The following PUDP variants were observed in gnomAD, a reference collection of about 807,000 sequenced individuals.
PUDP encodes the protein pseudouridine 5'-phosphatase.
In PUDP, 8 loss-of-function variants were observed where a neutral mutation model predicts 9.4. That is an observed-to-expected ratio of 0.85 (90% CI 0.50 to 1.53). The LOEUF is 1.53. Ranked by LOEUF, PUDP falls within the 40% of genes most tolerant of loss-of-function variation. PUDP has a pLI of 0.00. For synonymous variants in PUDP, 99 were observed against 80.7 expected (o/e 1.23, Z -1.22); for missense variants, 188 against 189.7 (o/e 0.99, Z 0.05).
chrX:7,058,674 T>C (rs1483832051), intron 3 of PUDP, among the ~76,000 whole-genome samples: 1 of 112,607 alleles, frequency 8.9e-6, no homozygotes, highest in African/African-American at 3.2e-5. Context: ...GTTGGATACA[T>C]ATACACTATT....
At chrX:7,055,047 C>A (rs777830554) in intron 3 of PUDP, among the ~76,000 whole-genome samples, 3 of 111,005 alleles carry the variant, frequency 2.7e-5, no homozygotes, top group Non-Finnish European at 5.7e-5. Flanking sequence ...AGAAGAAACC[C>A]CCTGGTGCTA....
chrX:6,769,224 G>A (rs28503977), intron 3 of PUDP, among the ~76,000 whole-genome samples: 1,500 of 112,121 alleles, frequency 0.013, 24 homozygotes, highest in African/African-American at 0.046. Flanking sequence ...CAACATGGAA[G>A]AAGTGAAAAA....
chrX:6,801,065 A>T (rs1925924510), intron 3 of PUDP, among the ~76,000 whole-genome samples: 1 of 112,054 alleles, frequency 8.9e-6, no homozygotes, highest in Admixed American at 9.5e-5. Flanking sequence ...GATCCCAGGG[A>T]TGCAAGCCTT....
At chrX:6,945,981 C>A (rs1167734256) in intron 3 of PUDP, among the ~76,000 whole-genome samples, 1 of 111,114 alleles carries the variant, frequency 9.0e-6, no homozygotes, top group Non-Finnish European at 1.9e-5. Context: ...AGACTTGCTT[C>A]CCTAAGGGTT....
chrX:7,015,784 C>T (rs1294777762), intron 1 of PUDP, among the ~76,000 whole-genome samples: 1 of 109,360 alleles, frequency 9.1e-6, no homozygotes, highest in Non-Finnish European at 1.9e-5. Flanking sequence ...GCAATGTTAC[C>T]CAGGCTGGTC....
chrX:6,737,879 G>A (rs1027645789), intron 3 of PUDP, among the ~76,000 whole-genome samples: 25 of 111,145 alleles, frequency 2.2e-4, no homozygotes, highest in African/African-American at 5.9e-4. Flanking sequence ...CTGTCGATGC[G>A]AGCACTGAAG....
chrX:6,968,547 A>C (rs978464823), intron 3 of PUDP, among the ~76,000 whole-genome samples: 3 of 111,214 alleles, frequency 2.7e-5, no homozygotes, highest in African/African-American at 9.8e-5. Context: ...GTTTGGTGTC[A>C]CCATCATCTC....
chrX:7,068,550 C>A (rs144183628), intron 3 of PUDP, among the ~76,000 whole-genome samples: 1 of 111,738 alleles, frequency 8.9e-6, no homozygotes, highest in African/African-American at 3.3e-5. Flanking sequence ...AGGGAAGAAA[C>A]GTACAAATGA....
intron 3 of PUDP, among the ~76,000 whole-genome samples, chrX:6,896,113 G>A (rs1195630679): frequency 8.9e-6 from 1 of 111,878 alleles, no homozygotes; most frequent in Non-Finnish European, 1.9e-5. Flanking sequence ...TTGTGAAATC[G>A]CTACAATCTA....
rs962291856 is a variant in PUDP, at chrX:7,013,005, T to C, written c.205-34662A>G. Among the ~76,000 whole-genome samples, 175 of 111,850 alleles carry C rather than the reference T, an allele frequency of 1.6e-3. 2 individuals carry two copies. The highest frequency in any genetic ancestry group is 5.4e-3 in the African/African-American group (165 of 30,670). On this transcript the variant is annotated intron_variant and NMD_transcript_variant, in intron 1 of 3. Coordinates refer to the PUDP transcript ENST00000655425. ...AGTTCACTCTTAATTTTTTTCTTCATTTCTGTAATTGGAGACTGATTTATC... is the reference window on the plus strand; with the variant it reads ...AGTTCACTCTTAATTTTTTTCTTCACTTCTGTAATTGGAGACTGATTTATC...
chrX:6,724,819 A>T (rs912460980), upstream of PUDP, among the ~76,000 whole-genome samples: 3 of 111,735 alleles, frequency 2.7e-5, no homozygotes, highest in Admixed American at 2.9e-4. Flanking sequence ...TGAGCTGCGG[A>T]GAAACTGCAG....
intron 3 of PUDP, among the ~76,000 whole-genome samples, chrX:6,852,776 G>A (rs950322849): frequency 2.7e-5 from 3 of 111,704 alleles, no homozygotes; most frequent in South Asian, 3.8e-4. Flanking sequence ...CCACAATGTA[G>A]CAGTCTCTCA....
At chrX:6,820,516 C>T (rs1926323758) in intron 3 of PUDP, among the ~76,000 whole-genome samples, 1 of 111,967 alleles carries the variant, frequency 8.9e-6, no homozygotes, top group Admixed American at 9.5e-5. Flanking sequence ...AAACTAGTTA[C>T]TTCCTAGATA....
In PUDP at chrX:7,077,439, T is replaced by C; in HGVS notation, c.291A>G (p.Lys97=). 8.3e-7 allele frequency: 1 copy of C among 1,207,759 alleles called. No homozygotes were observed. The highest frequency in any genetic ancestry group is 1.8e-5 in the South Asian group (1 of 56,705). ...CATGTTTCCGCAGGTGGATGATGAG[T>C]TTCTCCGCCCCTGGGGAGGAGGAGG... ...PTAALMPGAE[K]LIIHLRKHGI... Residue 97 remains lysine, a synonymous_variant, in exon 3 of 4, where the codon AAA becomes AAG. Transcript: ENST00000381077.
intron 3 of PUDP, among the ~76,000 whole-genome samples, chrX:6,862,986 A>G (rs1927025383): frequency 8.9e-6 from 1 of 111,882 alleles, no homozygotes; most frequent in African/African-American, 3.2e-5. Context: ...AAATTCAATA[A>G]CGTACTTTTA....
intron 3 of PUDP, among the ~76,000 whole-genome samples, chrX:6,758,073 T>C (rs903457815): frequency 8.9e-6 from 1 of 112,456 alleles, no homozygotes; most frequent in Admixed American, 9.4e-5. Flanking sequence ...AATAATTGTG[T>C]AATTTTAAAG....
intron 3 of PUDP, among the ~76,000 whole-genome samples, chrX:6,907,922 T>C (rs1287248872): frequency 8.9e-6 from 1 of 112,477 alleles, no homozygotes; most frequent in African/African-American, 3.2e-5. Context: ...CCAAACTCCA[T>C]GGGAGCAGGA....
chrX:7,134,882 G>A (rs1206100977), intron 1 of PUDP, among the ~76,000 whole-genome samples: 1 of 112,429 alleles, frequency 8.9e-6, no homozygotes, highest in Non-Finnish European at 1.9e-5. Context: ...AGAAATATGT[G>A]TAACACTTTG....
At chrX:7,113,571 A>C (rs984807780) in intron 1 of PUDP, among the ~76,000 whole-genome samples, 1 of 112,752 alleles carries the variant, frequency 8.9e-6, no homozygotes, top group African/African-American at 3.2e-5. Context: ...GTAAAACCAC[A>C]TTTTAAAGTG....
Sources: allele counts gnomAD v4.1 joint callset (sites outside exome capture counted in the v4.1 genomes callset), GRCh38; gene constraint gnomAD v4.1.1; transcripts MANE v1.5; gene names NCBI Gene and HGNC (gene_info 2026-07-23, HGNC 2026-07-21).